REDIC1: variants seen among roughly 807,000 people sequenced by gnomAD.
REDIC1 encodes the protein HEI10 Interacting Protein 1.
chr12:39,681,223 G>T, the REDIC1 span, among the ~76,000 whole-genome samples: 2 of 152,148 alleles, frequency 1.3e-5, no homozygotes, highest in Admixed American at 1.3e-4. Context: ...AGTGGGCCAA[G>T]ATTGCACTAC....
At chr12:39,717,970 C>G in the REDIC1 span, among the ~76,000 whole-genome samples, 1 of 150,002 alleles carries the variant, frequency 6.7e-6, no homozygotes, top group Non-Finnish European at 1.5e-5. Context: ...TCACCTTTCA[C>G]CTTTTTTTTT....
At chr12:39,711,980 T>G in the REDIC1 span, among the ~76,000 whole-genome samples, 1 of 110,176 alleles carries the variant, frequency 9.1e-6, no homozygotes, top group South Asian at 3.1e-4. Flanking sequence ...TATATACATG[T>G]CATGTCTATA....
chr12:39,891,235 C>A, the REDIC1 span, among the ~76,000 whole-genome samples: 1 of 151,004 alleles, frequency 6.6e-6, no homozygotes, highest in Non-Finnish European at 1.5e-5. Flanking sequence ...CTGCTGAGCT[C>A]TGCCTCTGCC....
the REDIC1 span, among the ~76,000 whole-genome samples, chr12:39,717,431 T>C: frequency 1.8e-3 from 280 of 152,118 alleles, no homozygotes; most frequent in African/African-American, 6.0e-3. Context: ...AAAAGATATA[T>C]TTACTATTCA....
the REDIC1 span, among the ~76,000 whole-genome samples, chr12:39,711,699 GTGTATA>G: frequency 9.4e-6 from 1 of 106,494 alleles, no homozygotes; most frequent in Non-Finnish European, 1.9e-5. Flanking sequence ...GTATGTGTAT[GTGTATA>G]CACATGCATG....
chr12:39,678,068 C>G, the REDIC1 span, among the ~76,000 whole-genome samples: 27 of 151,792 alleles, frequency 1.8e-4, no homozygotes, highest in Admixed American at 4.6e-4. Context: ...CCAAACCCAG[C>G]AGAAGAAAAG....
chr12:39,667,746 G>A, the REDIC1 span, among the ~76,000 whole-genome samples: 7 of 152,262 alleles, frequency 4.6e-5, no homozygotes, highest in Admixed American at 2.0e-4. Flanking sequence ...GAATCTGGGC[G>A]CTCCTGTATT....
chr12:39,822,420 A>T, the REDIC1 span, among the ~76,000 whole-genome samples: 1 of 152,198 alleles, frequency 6.6e-6, no homozygotes, highest in East Asian at 1.9e-4. Context: ...AAATATCTAA[A>T]TAAGGCTCTT....
chr12:39,811,430 A>T, the REDIC1 span, among the ~76,000 whole-genome samples: 1 of 152,128 alleles, frequency 6.6e-6, no homozygotes, highest in African/African-American at 2.4e-5. Flanking sequence ...AAATTTTCTA[A>T]TATACTTATT....
At chr12:39,670,714 A>G in the REDIC1 span, among the ~76,000 whole-genome samples, 1 of 150,566 alleles carries the variant, frequency 6.6e-6, no homozygotes, top group East Asian at 1.9e-4. Context: ...ATGGTGTGTC[A>G]TATGTCACGT....
chr12:39,786,534 G>A, the REDIC1 span, among the ~76,000 whole-genome samples: 1 of 152,206 alleles, frequency 6.6e-6, no homozygotes, highest in Non-Finnish European at 1.5e-5. Flanking sequence ...TAAGGGAAGA[G>A]GGTTTCAAGG....
At chr12:39,847,356 C>T in the REDIC1 span, among the ~76,000 whole-genome samples, 4 of 152,090 alleles carry the variant, frequency 2.6e-5, no homozygotes, top group Non-Finnish European at 5.9e-5. Context: ...CTCCACCTCC[C>T]TCCTCCCGAC....
At chr12:39,875,584 A>C in the REDIC1 span, among the ~76,000 whole-genome samples, 1 of 152,206 alleles carries the variant, frequency 6.6e-6, no homozygotes, top group African/African-American at 2.4e-5. Flanking sequence ...ATAAGCAGTA[A>C]AATAAGCAAA....
the REDIC1 span, among the ~76,000 whole-genome samples, chr12:39,833,986 G>T: frequency 2.6e-5 from 4 of 151,770 alleles, no homozygotes. Context: ...TATATCCAGA[G>T]GCCAAGAAGA....
the REDIC1 span, among the ~76,000 whole-genome samples, chr12:39,839,220 C>T: frequency 2.0e-5 from 3 of 152,052 alleles, no homozygotes; most frequent in Non-Finnish European, 4.4e-5. Context: ...GACTCCATGC[C>T]TTGCTTGGAG....
chr12:39,711,521 G>GTA, the REDIC1 span, among the ~76,000 whole-genome samples: 2 of 135,650 alleles, frequency 1.5e-5, no homozygotes, highest in African/African-American at 5.8e-5. Context: ...GTATATATGT[G>GTA]TATATGTGTA....
chr12:39,806,904 G>A, the REDIC1 span, among the ~76,000 whole-genome samples: 1 of 152,090 alleles, frequency 6.6e-6, no homozygotes, highest in Non-Finnish European at 1.5e-5. Context: ...AAGAAGGTGT[G>A]ATCAACTGAC....
the REDIC1 span, among the ~76,000 whole-genome samples, chr12:39,713,523 C>G: frequency 6.7e-6 from 1 of 149,440 alleles, no homozygotes; most frequent in South Asian, 2.1e-4. Context: ...TGCGTGCATA[C>G]ATGTGTACAC....
At chr12:39,662,673 T>C in the REDIC1 span, among the ~76,000 whole-genome samples, 1 of 152,086 alleles carries the variant, frequency 6.6e-6, no homozygotes, top group Non-Finnish European at 1.5e-5. Flanking sequence ...CCATGTTGAA[T>C]AGGAGTGGTG....
Sources: gnomAD v4.1 joint callset for allele counts (sites outside exome capture counted in the v4.1 genomes callset) on GRCh38, gnomAD v4.1.1 for gene constraint, MANE v1.5 for transcripts, NCBI Gene and HGNC (gene_info 2026-07-23, HGNC 2026-07-21) for gene names.